PLS1: variants seen among roughly 807,000 people sequenced by gnomAD.
The protein encoded by PLS1 is plastin-1.
Under a neutral mutation model 73.7 loss-of-function variants are expected in PLS1, and 32 were observed. The observed-to-expected ratio is 0.43, with a 90% CI of 0.33 to 0.58. The LOEUF (loss-of-function observed/expected upper bound fraction) is 0.58, where lower values mean the gene tolerates loss of function less well. Ranked by LOEUF, PLS1 falls within the 20% of genes least tolerant of loss-of-function variation. The probability of loss-of-function intolerance (pLI) is 0.04; values close to 1 mark genes in which losing one functional copy is unlikely to be tolerated. For missense variants in PLS1, 633 were observed against 740.5 expected, an observed-to-expected ratio of 0.85 and a Z score of 1.68; for synonymous variants, 217 against 261.3, an observed-to-expected ratio of 0.83 and a Z score of 1.63.
At chr3:142,684,909 ATAACAGGC>A in intron 8 of PLS1, among the ~76,000 whole-genome samples, 1 of 152,342 alleles carries the variant, frequency 6.6e-6, no homozygotes, top group South Asian at 2.1e-4. Flanking sequence ...CAAGGAAACT[ATAACAGGC>A]ATTTTTGTCT....
chr3:142,692,687 T>A (rs1410608814), intron 10 of PLS1, among the ~76,000 whole-genome samples: 2 of 152,128 alleles, frequency 1.3e-5, no homozygotes, highest in Non-Finnish European at 2.9e-5. Flanking sequence ...TTAGTTATTT[T>A]AAAATATTAT....
intron 1 of PLS1, 52 bp downstream of exon 1, chr3:142,596,561 A>T (rs2035819129): frequency 6.6e-6 from 1 of 152,428 alleles, no homozygotes; most frequent in Admixed American, 6.5e-5. Flanking sequence ...AGACAGATGG[A>T]AAGCGAAGCG....
intron 4 of PLS1, among the ~76,000 whole-genome samples, chr3:142,672,339 CT>C (rs58039666): frequency 0.027 from 3,219 of 118,386 alleles, 49 homozygotes; most frequent in African/African-American, 0.076. Flanking sequence ...ATGAAGTGTA[CT>C]TTTTTTTTTT....
At chr3:142,702,823 A>T (rs1224631015) in intron 12 of PLS1, among the ~76,000 whole-genome samples, 1 of 152,198 alleles carries the variant, frequency 6.6e-6, no homozygotes, top group Non-Finnish European at 1.5e-5. Flanking sequence ...GTGTTTATGT[A>T]TCAGATTCTT....
intron 4 of PLS1, among the ~76,000 whole-genome samples, chr3:142,672,553 C>T (rs2037627007): frequency 6.6e-6 from 1 of 151,934 alleles, no homozygotes; most frequent in Non-Finnish European, 1.5e-5. Flanking sequence ...CCGTGTTAGC[C>T]AGGATGGTCT....
chr3:142,613,670 G>C (rs762727999), intron 1 of PLS1, among the ~76,000 whole-genome samples: 3 of 152,148 alleles, frequency 2.0e-5, no homozygotes, highest in African/African-American at 2.4e-5. Flanking sequence ...TGCCACCCTG[G>C]GGTGCGTCTC....
chr3:142,629,103 C>T (rs1407631126), intron 1 of PLS1, among the ~76,000 whole-genome samples: 1 of 152,140 alleles, frequency 6.6e-6, no homozygotes, highest in Non-Finnish European at 1.5e-5. Context: ...CTGAGTGCTA[C>T]TGGGCAAGTT....
chr3:142,688,914 G>A (rs1229926174), intron 9 of PLS1, among the ~76,000 whole-genome samples: 1 of 152,008 alleles, frequency 6.6e-6, no homozygotes. Context: ...TTTTCATCAA[G>A]AAGAGCCTTC....
chr3:142,636,102 A>C (rs1475972984), intron 1 of PLS1, among the ~76,000 whole-genome samples: 1 of 151,826 alleles, frequency 6.6e-6, no homozygotes, highest in Non-Finnish European at 1.5e-5. Flanking sequence ...GTGTTGCCCA[A>C]GTTGGTCCCA....
At chr3:142,652,685 C>G (rs2037123918) in intron 1 of PLS1, among the ~76,000 whole-genome samples, 1 of 152,166 alleles carries the variant, frequency 6.6e-6, no homozygotes, top group African/African-American at 2.4e-5. Flanking sequence ...GTTTGGGTTT[C>G]AAAACTGAAT....
At chr3:142,696,011 C>T (rs370886844) in intron 11 of PLS1, among the ~76,000 whole-genome samples, 19 of 152,256 alleles carry the variant, frequency 1.2e-4, no homozygotes, top group South Asian at 2.1e-4. Context: ...TCAGGCTGGA[C>T]GCGAACTCCT....
chr3:142,658,406 G>A (rs1577851761), intron 1 of PLS1, among the ~76,000 whole-genome samples: 2 of 151,490 alleles, frequency 1.3e-5, no homozygotes, highest in South Asian at 4.2e-4. Flanking sequence ...AACCTGGGAG[G>A]CAGAGGCTGC....
At chr3:142,626,689 T>C (rs1463961752) in intron 1 of PLS1, among the ~76,000 whole-genome samples, 1 of 152,232 alleles carries the variant, frequency 6.6e-6, no homozygotes, top group Non-Finnish European at 1.5e-5. Flanking sequence ...CTGATGTAGC[T>C]GGTAAAGACT....
At chr3:142,619,794 A>G (rs2036282255) in intron 1 of PLS1, among the ~76,000 whole-genome samples, 1 of 152,250 alleles carries the variant, frequency 6.6e-6, no homozygotes, top group African/African-American at 2.4e-5. Context: ...CATATAAGCA[A>G]GTAAAACTGG....
chr3:142,636,550 G>A (rs1347145666), intron 1 of PLS1, among the ~76,000 whole-genome samples: 1 of 152,192 alleles, frequency 6.6e-6, no homozygotes, highest in Non-Finnish European at 1.5e-5. Context: ...CAAAAGCATG[G>A]TCTATGATAG....
chr3:142,684,433 A>AG, intron 8 of PLS1, 38 bp downstream of exon 8: 1 of 1,541,170 alleles, frequency 6.5e-7, no homozygotes, highest in South Asian at 1.2e-5. Flanking sequence ...ACATGAAATA[A>AG]GGATGTGCAG....
chr3:142,675,111 A>G (rs1186803623), intron 4 of PLS1, among the ~76,000 whole-genome samples: 1 of 152,190 alleles, frequency 6.6e-6, no homozygotes, highest in Non-Finnish European at 1.5e-5. Flanking sequence ...GACTGAATTC[A>G]GTATTTCTGT....
chr3:142,674,210 C>T (rs969129627), intron 4 of PLS1, among the ~76,000 whole-genome samples: 1 of 152,102 alleles, frequency 6.6e-6, no homozygotes, highest in African/African-American at 2.4e-5. Context: ...AAAAATTCCT[C>T]AATGGCAGAT....
intron 1 of PLS1, among the ~76,000 whole-genome samples, chr3:142,609,741 A>G (rs1447710728): frequency 2.0e-5 from 3 of 152,244 alleles, no homozygotes; most frequent in African/African-American, 7.2e-5. Context: ...TAATTTATGT[A>G]TAGCTGATTT....
Sources: gnomAD v4.1 joint callset for allele counts (sites outside exome capture counted in the v4.1 genomes callset) on GRCh38, gnomAD v4.1.1 for gene constraint, MANE v1.5 for transcripts, NCBI Gene and HGNC (gene_info 2026-07-23, HGNC 2026-07-21) for gene names.